Variants in ARMC8 observed in about 807,000 individuals in gnomAD.
ARMC8 encodes the protein armadillo repeat containing 8, also known as armadillo repeat-containing protein 8.
A neutral mutation model predicts 99.3 loss-of-function variants in ARMC8; 20 were observed. That is an observed-to-expected ratio of 0.20 (90% CI 0.14 to 0.29). ARMC8 has a LOEUF of 0.29. Ranked by LOEUF, ARMC8 falls within the 10% of genes least tolerant of loss-of-function variation. ARMC8 has a pLI of 1.00. For missense variants in ARMC8, 569 were observed against 809.5 expected (o/e 0.70, Z 3.60); for synonymous variants, 263 against 278.3 (o/e 0.95, Z 0.55).
intron 10 of ARMC8, among the ~76,000 whole-genome samples, 194 bp downstream of exon 10, chr3:138,239,722 G>A (rs765694365): frequency 9.2e-5 from 14 of 152,096 alleles, no homozygotes; most frequent in South Asian, 2.1e-4. Context: ...GATGTGTTTC[G>A]AAAGTCAGCG....
At chr3:138,229,131 CGTGTATATATATATATATAT>C (rs1559957150) in intron 6 of ARMC8, 121 bp downstream of exon 6, 6 of 61,270 alleles carry the variant, frequency 9.8e-5, no homozygotes, top group African/African-American at 5.8e-4. Context: ...TGTGTGTGTG[CGTGTATATATATATATATAT>C]ATATATATAT....
intron 19 of ARMC8, among the ~76,000 whole-genome samples, chr3:138,287,356 T>C (rs1577034055): frequency 6.6e-6 from 1 of 152,316 alleles, no homozygotes; most frequent in East Asian, 1.9e-4. Context: ...TTTGCACATC[T>C]GGCACCTTCC....
chr3:138,270,799 G>A (rs552796130), intron 16 of ARMC8, among the ~76,000 whole-genome samples: 28 of 152,062 alleles, frequency 1.8e-4, no homozygotes, highest in Admixed American at 3.3e-4. Context: ...AAAACTTTGA[G>A]GTTAGAGAAC....
chr3:138,216,460 A>G (rs1314754150), intron 2 of ARMC8, among the ~76,000 whole-genome samples: 1 of 152,216 alleles, frequency 6.6e-6, no homozygotes, highest in African/African-American at 2.4e-5. Flanking sequence ...ATTCATTGTC[A>G]TATAACTTTA....
rs564042073 is a variant in ARMC8 at position 138,220,212 on chromosome 3, C to T, written c.123-1714C>T. 2.2e-4 allele frequency among the ~76,000 whole-genome samples: 33 copies of T among 152,246 alleles called. No homozygotes were observed. In the South Asian group the frequency reaches 6.2e-3, roughly 29 times the overall value. ...AAGAAAACAGGCATCCATGAGGATG[C>T]GGGAGCTTAGAAATCTCTTACTAAC... On this transcript the variant is annotated intron_variant, in intron 2 of 21. Transcript: ENST00000469044.
intron 21 of ARMC8, among the ~76,000 whole-genome samples, chr3:138,291,202 A>G (rs2050912339): frequency 6.6e-6 from 1 of 152,224 alleles, no homozygotes; most frequent in Non-Finnish European, 1.5e-5. Context: ...TCACCTTTGT[A>G]TAATAACAAA....
At chr3:138,292,286 C>A (rs542439710) in intron 21 of ARMC8, among the ~76,000 whole-genome samples, 1 of 152,216 alleles carries the variant, frequency 6.6e-6, no homozygotes, top group East Asian at 1.9e-4. Flanking sequence ...ATCATCCACC[C>A]ACCTCGGCTT....
chr3:138,264,854 A>C (rs2048119596), intron 14 of ARMC8, among the ~76,000 whole-genome samples: 1 of 149,890 alleles, frequency 6.7e-6, no homozygotes, highest in South Asian at 2.1e-4. Context: ...TCTGCCATTT[A>C]CAGAGATAAT....
At chr3:138,246,111 C>A (rs2046868718) in intron 12 of ARMC8, 6 of 985,102 alleles carry the variant, frequency 6.1e-6, no homozygotes, top group Non-Finnish European at 7.2e-6. Context: ...GTTCTTCAGG[C>A]CTGTAGAAAG....
At chr3:138,245,311 G>T (rs1028306090) in intron 12 of ARMC8, 128 bp downstream of exon 12, 27 of 1,562,912 alleles carry the variant, frequency 1.7e-5, no homozygotes, top group Non-Finnish European at 2.3e-5. Context: ...GTGACTAAAG[G>T]CATAATTGAA....
intron 18 of ARMC8, 24 bp from the exon 19 acceptor site, chr3:138,284,407 T>C: frequency 6.3e-7 from 1 of 1,583,244 alleles, no homozygotes; most frequent in Non-Finnish European, 8.7e-7. Flanking sequence ...CTTTCCTGAC[T>C]GTTGGCCCTT....
intron 2 of ARMC8, 34 bp from the exon 3 acceptor site, chr3:138,221,892 C>G: frequency 6.5e-7 from 1 of 1,535,176 alleles, no homozygotes; most frequent in Non-Finnish European, 9.0e-7. Flanking sequence ...AGTGCTGTCT[C>G]AACATACTTT....
chr3:138,237,284 T>C (rs1194543273), intron 7 of ARMC8, 25 bp from the exon 8 acceptor site: 1 of 1,604,154 alleles, frequency 6.2e-7, no homozygotes, highest in Non-Finnish European at 8.5e-7. Flanking sequence ...AAACACATTT[T>C]TTGTTTGTTC....
intron 7 of ARMC8, among the ~76,000 whole-genome samples, chr3:138,235,796 G>A (rs1321878893): frequency 5.0e-5 from 6 of 118,992 alleles, no homozygotes; most frequent in African/African-American, 1.6e-4. Flanking sequence ...TGTCCTTTTA[G>A]TCTTTTTTTT....
rs759604518 is a variant in ARMC8 at position 138,209,791 on chromosome 3, TC to T, written c.46-25del. 2.0e-5 allele frequency: 32 copies of T among 1,603,888 alleles called. No homozygotes were observed. In the East Asian group the frequency reaches 6.9e-4, roughly 35 times the overall value. Reference sequence around the variant, plus strand: ...TTTGTGATTTGCATGGCTTCAGATGTCATAATTTTTCCCCCCACTTTCTAGG... The same window carrying T: ...TTTGTGATTTGCATGGCTTCAGATGTATAATTTTTCCCCCCACTTTCTAGG... On this transcript the variant is annotated intron_variant, in intron 1 of 21. Transcript: ENST00000469044.
chr3:138,247,319 A>G (rs946442692), intron 12 of ARMC8, among the ~76,000 whole-genome samples: 3 of 151,912 alleles, frequency 2.0e-5, no homozygotes, highest in Non-Finnish European at 2.9e-5. Context: ...TTAAAATGCA[A>G]TGTTTATGCT....
chr3:138,218,166 C>A (rs1306833577), intron 2 of ARMC8, among the ~76,000 whole-genome samples: 4 of 152,136 alleles, frequency 2.6e-5, no homozygotes, highest in African/African-American at 7.2e-5. Context: ...AAGAGACCAT[C>A]CATGATAGTT....
chr3:138,231,795 A>T (rs973363829), intron 6 of ARMC8, among the ~76,000 whole-genome samples: 1 of 151,576 alleles, frequency 6.6e-6, no homozygotes, highest in Non-Finnish European at 1.5e-5. Context: ...GGGGAAAAAA[A>T]AAAGACCATG....
chr3:138,272,269 G>A (rs555599727), intron 16 of ARMC8, among the ~76,000 whole-genome samples: 4 of 152,078 alleles, frequency 2.6e-5, no homozygotes, highest in Admixed American at 2.0e-4. Flanking sequence ...ATTTTCTTCC[G>A]TGAGTACTTT....
Sources: allele counts gnomAD v4.1 joint callset (sites outside exome capture counted in the v4.1 genomes callset), GRCh38; gene constraint gnomAD v4.1.1; transcripts MANE v1.5; gene names NCBI Gene and HGNC (gene_info 2026-07-23, HGNC 2026-07-21).